Variants in CERS6 observed in about 807,000 individuals in gnomAD.
The protein encoded by CERS6 is ceramide synthase 6.
A neutral mutation model predicts 56.8 loss-of-function variants in CERS6; 26 were observed. The observed-to-expected ratio is 0.46, with a 90% CI of 0.34 to 0.63. The LOEUF (loss-of-function observed/expected upper bound fraction) is 0.63, where lower values mean the gene tolerates loss of function less well. CERS6 is among the 30% of genes least tolerant of loss of function. CERS6 has a pLI of 0.01. For synonymous variants in CERS6, 164 were observed against 173.3 expected, an observed-to-expected ratio of 0.95 and a Z score of 0.42; for missense variants, 415 against 467.5, an observed-to-expected ratio of 0.89 and a Z score of 1.04.
intron 6 of CERS6, among the ~76,000 whole-genome samples, chr2:168,706,659 A>T (rs568382241): frequency 6.6e-6 from 1 of 152,322 alleles, no homozygotes; most frequent in South Asian, 2.1e-4. Flanking sequence ...TGAGAGTAAT[A>T]TTGAATGGAT....
chr2:168,553,856 G>T (rs1695628109), intron 2 of CERS6, among the ~76,000 whole-genome samples: 1 of 152,156 alleles, frequency 6.6e-6, no homozygotes, highest in African/African-American at 2.4e-5. Context: ...TGAGTAGAAG[G>T]GGAAGAAGGT....
intron 4 of CERS6, among the ~76,000 whole-genome samples, chr2:168,669,914 T>C (rs1685866004): frequency 6.6e-6 from 1 of 152,218 alleles, no homozygotes; most frequent in Non-Finnish European, 1.5e-5. Flanking sequence ...TGGTCAAACA[T>C]ATTGAAGAAT....
At chr2:168,593,810 C>T (rs1410413254) in intron 3 of CERS6, among the ~76,000 whole-genome samples, 1 of 152,170 alleles carries the variant, frequency 6.6e-6, no homozygotes, top group Non-Finnish European at 1.5e-5. Context: ...CCTAAGTTTG[C>T]ATAAAGTTTC....
chr2:168,644,681 C>A (rs1685130285), intron 4 of CERS6, among the ~76,000 whole-genome samples: 1 of 152,058 alleles, frequency 6.6e-6, no homozygotes, highest in African/African-American at 2.4e-5. Flanking sequence ...CAGCTGACAG[C>A]CAGTTTCAGG....
intron 1 of CERS6, among the ~76,000 whole-genome samples, chr2:168,503,740 T>G (rs1416945688): frequency 1.3e-5 from 2 of 152,120 alleles, no homozygotes; most frequent in Non-Finnish European, 2.9e-5. Flanking sequence ...TTGGCTGTCC[T>G]AGAGTGGGAG....
chr2:168,662,961 C>A (rs1685669006), intron 4 of CERS6, among the ~76,000 whole-genome samples: 1 of 152,146 alleles, frequency 6.6e-6, no homozygotes, highest in African/African-American at 2.4e-5. Flanking sequence ...GAAGATTTTT[C>A]TTTTTATCTT....
intron 3 of CERS6, among the ~76,000 whole-genome samples, chr2:168,564,829 C>G (rs899238342): frequency 6.6e-6 from 1 of 152,164 alleles, no homozygotes; most frequent in Non-Finnish European, 1.5e-5. Context: ...CACATGCTGC[C>G]TTATGTGGTT....
intron 4 of CERS6, among the ~76,000 whole-genome samples, chr2:168,671,447 G>A (rs1239911569): frequency 6.6e-6 from 1 of 152,124 alleles, no homozygotes; most frequent in Non-Finnish European, 1.5e-5. Flanking sequence ...TGTTATAGAT[G>A]CCAATTTTCC....
intron 1 of CERS6, among the ~76,000 whole-genome samples, chr2:168,544,215 TCA>T (rs1005325910): frequency 2.6e-5 from 4 of 152,160 alleles, no homozygotes; most frequent in African/African-American, 7.2e-5. Flanking sequence ...TCTCTCTCTC[TCA>T]CTGTCTGTCT....
intron 8 of CERS6, among the ~76,000 whole-genome samples, chr2:168,741,171 C>T (rs1485346023): frequency 3.9e-5 from 6 of 152,148 alleles, no homozygotes; most frequent in African/African-American, 1.2e-4. Context: ...ATTATCTACT[C>T]ACTCTAACCT....
intron 5 of CERS6, among the ~76,000 whole-genome samples, chr2:168,693,519 C>G (rs528678741): frequency 1.3e-5 from 2 of 152,214 alleles, no homozygotes; most frequent in Non-Finnish European, 2.9e-5. Context: ...GCCCGATTTT[C>G]TAAACTTCAT....
chr2:168,516,448 G>A (rs1694886174), intron 1 of CERS6, among the ~76,000 whole-genome samples: 1 of 152,062 alleles, frequency 6.6e-6, no homozygotes, highest in South Asian at 2.1e-4. Context: ...AGCGATTAAG[G>A]GAGCAGATTC....
intron 6 of CERS6, 97 bp downstream of exon 6, chr2:168,695,148 C>A (rs982310202): frequency 1.5e-5 from 13 of 858,610 alleles, no homozygotes; most frequent in Non-Finnish European, 1.9e-5. Flanking sequence ...CCCCTGTTCT[C>A]CTGGCAGCCC....
chr2:168,694,989 A>G lies in CERS6; in HGVS notation c.547A>G (p.Ile183Val), dbSNP rs1160725235. The stretch of plus-strand genomic sequence containing the variant: ...CACAACTGACCTTCACTACTATTAC[A>G]TCCTGGAGCTGTCGTTTTATTGGTC... ...PLTTDLHYYY[I>V]LELSFYWSLM... Residue 183 changes from isoleucine to valine, a missense_variant, in exon 6 of 10, where the codon ATC becomes GTC. Transcript: ENST00000305747. 1.9e-6 allele frequency: 3 copies of G among 1,613,190 alleles called. No individual in the cohort carries two copies. Among genetic ancestry groups the G allele is most frequent in the African/African-American group, 1.3e-5 (1 of 74,758 alleles).
chr2:168,604,007 G>A (rs1342753594), intron 3 of CERS6, among the ~76,000 whole-genome samples: 1 of 152,202 alleles, frequency 6.6e-6, no homozygotes, highest in Non-Finnish European at 1.5e-5. Flanking sequence ...TACTTCTGCA[G>A]TGGAATTATG....
At chr2:168,646,034 A>G (rs900963960) in intron 4 of CERS6, among the ~76,000 whole-genome samples, 2 of 152,144 alleles carry the variant, frequency 1.3e-5, no homozygotes, top group African/African-American at 4.8e-5. Flanking sequence ...GGAATGATTC[A>G]TATTCCTCTG....
intron 3 of CERS6, among the ~76,000 whole-genome samples, chr2:168,577,068 C>G (rs973345139): frequency 6.6e-6 from 1 of 152,034 alleles, no homozygotes; most frequent in Admixed American, 6.6e-5. Context: ...ATGCACAGTT[C>G]AGGGAGGAGG....
At chr2:168,760,649 C>T (rs1684546028) in intron 8 of CERS6, among the ~76,000 whole-genome samples, 1 of 152,162 alleles carries the variant, frequency 6.6e-6, no homozygotes, top group African/African-American at 2.4e-5. Context: ...CTATAGTCAC[C>T]ATTTTAATAG....
intron 3 of CERS6, among the ~76,000 whole-genome samples, chr2:168,591,815 G>C (rs928797129): frequency 6.6e-6 from 1 of 152,188 alleles, no homozygotes; most frequent in Non-Finnish European, 1.5e-5. Context: ...AGAGTAACCT[G>C]GACCTTCTCA....
Sources: allele counts gnomAD v4.1 joint callset (sites outside exome capture counted in the v4.1 genomes callset), GRCh38; gene constraint gnomAD v4.1.1; transcripts MANE v1.5; gene names NCBI Gene and HGNC (gene_info 2026-07-23, HGNC 2026-07-21).